DNAJB5: variants seen among roughly 807,000 people sequenced by gnomAD.
DNAJB5 encodes the protein DnaJ heat shock protein family (Hsp40) member B5, also known as dnaJ homolog subfamily B member 5.
Under a neutral mutation model 32.6 loss-of-function variants are expected in DNAJB5, and 12 were observed. The ratio of observed to expected loss-of-function variants is 0.37; its 90% CI spans 0.24 to 0.60. The LOEUF (loss-of-function observed/expected upper bound fraction) is 0.60, where lower values mean the gene tolerates loss of function less well. DNAJB5 is among the 20% of genes least tolerant of loss of function. DNAJB5 has a pLI of 0.71. For missense variants in DNAJB5, 358 were observed against 554.2 expected (o/e 0.65, Z 3.55); for synonymous variants, 188 against 212.9 (o/e 0.88, Z 1.02).
chr9:34,991,537 G>A (rs1262514506), intron 2 of DNAJB5: 2 of 435,844 alleles, frequency 4.6e-6, no homozygotes, highest in African/African-American at 2.0e-5. Context: ...GTTCTCTAGG[G>A]GCACCCTCTT....
intron 3 of DNAJB5, among the ~76,000 whole-genome samples, chr9:34,995,507 G>C (rs1827766351): frequency 6.6e-6 from 1 of 152,200 alleles, no homozygotes; most frequent in Non-Finnish European, 1.5e-5. Flanking sequence ...TAGGTGTGGG[G>C]TATGGCGTTT....
In DNAJB5 at chr9:34,997,011, C is replaced by T; in HGVS notation, c.1030-15C>T. On this transcript the variant is annotated splice_polypyrimidine_tract_variant and intron_variant, in intron 4 of 4. Coordinates refer to ENST00000682809, the MANE Select transcript of DNAJB5 (RefSeq NM_001349723.3). This position sits in a 1 kb window ranked among gnomAD's most constrained non-coding sequence, Gnocchi z 4.1. Reference sequence around the variant, plus strand: ...TACCCCACCTTTTCCTCACTTTCTGCTTCGTCTTTCCCAGGCGCTGTGTGG... The same window carrying T: ...TACCCCACCTTTTCCTCACTTTCTGTTTCGTCTTTCCCAGGCGCTGTGTGG... The T allele has an allele frequency of 6.2e-7, 1 of 1,610,472 alleles. No individual in the cohort carries two copies. The highest frequency in any genetic ancestry group is 8.5e-7 in the Non-Finnish European group (1 of 1,179,660).
chr9:34,993,089 G>C lies in DNAJB5; in HGVS notation c.183-111G>C. On this transcript the variant is annotated intron_variant, in intron 2 of 4. Coordinates refer to ENST00000682809, the MANE Select transcript of DNAJB5 (RefSeq NM_001349723.3). The surrounding 1 kb of genome is among the most constrained non-coding windows in gnomAD (Gnocchi z 4.7). ...GGGGGGACGCAGGCCCACAGAACAG[G>C]CATGACCTGCTGAAGGTTACCCAGG... 1 of 1,465,202 alleles carries C rather than the reference G, an allele frequency of 6.8e-7. No homozygotes were observed. Among genetic ancestry groups the C allele is most frequent in the Non-Finnish European group, 9.0e-7 (1 of 1,113,538 alleles). The allele number at this position is 1,465,202 out of a possible 1,614,324, so 90.8% of individuals were successfully genotyped here.
At position 34,990,773 on chromosome 9, in the gene DNAJB5, A is replaced by G; in HGVS notation, c.143A>G (p.Lys48Arg). 6 of 1,551,584 alleles carry G rather than the reference A, an allele frequency of 3.9e-6. No homozygotes were observed. The highest frequency in any genetic ancestry group is 5.2e-6 in the Non-Finnish European group (6 of 1,146,958). Residue 48 changes from lysine (K) to arginine (R), a missense_variant, in exon 2 of 5, where the codon AAA becomes AGA. By Grantham distance (26) the Lys-to-Arg change is conservative (BLOSUM62 2). Transcript: ENST00000682809. The surrounding 1 kb of genome is among the most constrained non-coding windows in gnomAD (Gnocchi z 4.5). ...TTTAAAATTCAGCTGGAGCCCTTAAAACTTCGAGCGTGGACGCTGAATGGG... is the reference window on the plus strand; with the variant it reads ...TTTAAAATTCAGCTGGAGCCCTTAAGACTTCGAGCGTGGACGCTGAATGGG... ...LMFKIQLEPL[K>R]LRAWTLNGFV... is the part of the protein sequence containing the mutation.
chr9:34,997,195 G>A lies in DNAJB5; in HGVS notation c.1199G>A (p.Arg400His), dbSNP rs745724497. The change falls in exon 5 of 5, where the codon CGC becomes CAC. Residue 400 changes from arginine to histidine, a missense_variant. Coordinates refer to ENST00000682809, the MANE Select transcript of DNAJB5 (RefSeq NM_001349723.3). This position sits in a 1 kb window ranked among gnomAD's most constrained non-coding sequence, Gnocchi z 4.1. The stretch of plus-strand genomic sequence containing the variant: ...GACCTCATTGTTGAGTTCAAAGTTC[G>A]CTTCCCAGACAGATTAACACCACAG... ...RGDLIVEFKV[R>H]FPDRLTPQTR... The A allele has an allele frequency of 1.8e-5, 29 of 1,613,962 alleles. No homozygotes were observed. Among genetic ancestry groups the A allele is most frequent in the South Asian group, 2.2e-5 (2 of 91,090 alleles).
In DNAJB5 at chr9:34,993,324, T is replaced by A. The variant is rs1250196449; in HGVS notation, c.307T>A (p.Tyr103Asn). Residue 103 changes from tyrosine to asparagine, a missense_variant, in exon 3 of 5, where the codon TAC becomes AAC. Physicochemically the swap from Tyr to Asn is moderately radical, Grantham distance 143. Transcript: ENST00000682809. This position sits in a 1 kb window ranked among gnomAD's most constrained non-coding sequence, Gnocchi z 4.7. ...AGCCTACCGGAAGATGGCCTTGAAGTACCACCCAGACAAGAATAAAGAACC... is the reference window on the plus strand; with the variant it reads ...AGCCTACCGGAAGATGGCCTTGAAGAACCACCCAGACAAGAATAAAGAACC... ...KKAYRKMALK[Y>N]HPDKNKEPNA... The A allele has an allele frequency of 6.2e-7, 1 of 1,614,064 alleles. No homozygotes were observed. The highest frequency in any genetic ancestry group is 1.3e-5 in the African/African-American group (1 of 75,002).
At chr9:34,994,719 G>C (rs989300008) in intron 3 of DNAJB5, among the ~76,000 whole-genome samples, 1 of 152,126 alleles carries the variant, frequency 6.6e-6, no homozygotes, top group African/African-American at 2.4e-5. Flanking sequence ...TAAGTGAAGG[G>C]GTCCAGACAC....
In DNAJB5 at chr9:34,996,791, C is replaced by G. The variant is rs200514668; in HGVS notation, c.954C>G (p.Leu318=). ...TCCCTGCTGACATCGTCTTTGTGCT[C>G]AAAGACAAGCCCCATGCACACTTCC... ...DNIPADIVFV[L]KDKPHAHFRR... is the part of the protein sequence containing the mutation. Residue 318 remains leucine, a synonymous_variant, in exon 4 of 5, where the codon CTC becomes CTG. Transcript: ENST00000682809. This position sits in a 1 kb window ranked among gnomAD's most constrained non-coding sequence, Gnocchi z 7.2. 5 of 1,613,978 alleles carry G rather than the reference C, an allele frequency of 3.1e-6. No homozygotes were observed. In the East Asian group the frequency reaches 1.1e-4, roughly 36 times the overall value.
At chr9:34,991,677 C>CCT (rs1554662750) in intron 2 of DNAJB5, 6 of 260,984 alleles carry the variant, frequency 2.3e-5, no homozygotes, top group South Asian at 1.7e-4. Context: ...TGCCCCCCCC[C>CCT]CCAACGAGGT....
At position 34,990,525 on chromosome 9, in the gene DNAJB5, C is replaced by A; in HGVS notation, c.-106C>A. ...TCCGGCACCTGCTGCGCCAGACAGGCCTTGCTGGGCACGCGCCTCTGAGAG... is the reference window on the plus strand; with the variant it reads ...TCCGGCACCTGCTGCGCCAGACAGGACTTGCTGGGCACGCGCCTCTGAGAG... On this transcript the variant is annotated 5_prime_UTR_variant, in exon 2 of 5. Coordinates refer to ENST00000682809, the MANE Select transcript of DNAJB5 (RefSeq NM_001349723.3). This position sits in a 1 kb window ranked among gnomAD's most constrained non-coding sequence, Gnocchi z 4.5. 7 of 1,544,286 alleles carry A rather than the reference C, an allele frequency of 4.5e-6. No individual in the cohort carries two copies. Among genetic ancestry groups the A allele is most frequent in the South Asian group, 2.4e-5 (2 of 83,732 alleles).
intron 3 of DNAJB5, among the ~76,000 whole-genome samples, chr9:34,994,654 T>G (rs1452738271): frequency 6.6e-6 from 1 of 152,162 alleles, no homozygotes; most frequent in Non-Finnish European, 1.5e-5. Context: ...CACCTTTGTT[T>G]AGAAAGAAGG....
intron 3 of DNAJB5, among the ~76,000 whole-genome samples, chr9:34,995,540 C>T (rs1168375251): frequency 6.6e-6 from 1 of 152,224 alleles, no homozygotes. Flanking sequence ...CTCCAGGGAG[C>T]TCCATTCCCA....
chr9:34,991,167 C>T (rs1013237080), intron 2 of DNAJB5: 43 of 417,068 alleles, frequency 1.0e-4, no homozygotes, highest in Non-Finnish European at 1.8e-4. Context: ...CCTCCCTGTA[C>T]CTCAACAGTC....
At position 34,995,012 on chromosome 9, in the gene DNAJB5, T is replaced by C. The variant is rs150568621; in HGVS notation, c.428-1253T>C. ...AATTACCCCTTCCCATCATCATCAG[T>C]CCAGCCTCCCTCCCTCTCTCACTGA... On this transcript the variant is annotated intron_variant, in intron 3 of 4. Transcript: ENST00000682809. Among the ~76,000 whole-genome samples, 8 of 152,176 alleles carry C rather than the reference T, an allele frequency of 5.3e-5. No individual in the cohort carries two copies. The East Asian group carries it at 1.5e-3, about 29-fold the overall frequency.
At chr9:34,995,696 G>A (rs28374769) in intron 3 of DNAJB5, among the ~76,000 whole-genome samples, 2 of 152,138 alleles carry the variant, frequency 1.3e-5, no homozygotes, top group Admixed American at 6.5e-5. Flanking sequence ...ACTTTTTAAG[G>A]CTTCCTGATT....
At position 34,989,818 on chromosome 9, in the gene DNAJB5, G is replaced by T; in HGVS notation, c.-146G>T. 1 of 1,232,392 alleles carries T rather than the reference G, an allele frequency of 8.1e-7. No individual in the cohort carries two copies. Among genetic ancestry groups the T allele is most frequent in the Non-Finnish European group, 1.0e-6 (1 of 988,248 alleles). 76.3% of individuals were successfully genotyped at this position (1,232,392 alleles called of 1,614,324 possible). A position where few individuals can be genotyped will look rare whatever the true frequency, so the allele number is the denominator to read the frequency against. On this transcript the variant is annotated 5_prime_UTR_variant, in exon 1 of 5. Transcript: ENST00000682809. Reference sequence around the variant, plus strand: ...TGTCTCACGGACCACGGCGGCGCCCGCAGCTCCTCACCGGTGAGGGCGCCA... The same window carrying T: ...TGTCTCACGGACCACGGCGGCGCCCTCAGCTCCTCACCGGTGAGGGCGCCA...
Position 34,996,981 on chromosome 9 carries a change from C to G in DNAJB5, c.1030-45C>G. 1 of 1,604,432 alleles carries G rather than the reference C, an allele frequency of 6.2e-7. No individual in the cohort carries two copies. Among genetic ancestry groups the G allele is most frequent in the Non-Finnish European group, 8.5e-7 (1 of 1,177,832 alleles). ...TCAGTCTATTTCCTTCCTTCCCACT[C>G]ACCTTACCCCACCTTTTCCTCACTT... is the stretch of plus-strand genomic sequence containing the variant. On this transcript the variant is annotated intron_variant, in intron 4 of 4. Coordinates refer to ENST00000682809, the MANE Select transcript of DNAJB5 (RefSeq NM_001349723.3). The surrounding 1 kb of genome is among the most constrained non-coding windows in gnomAD (Gnocchi z 7.2).
At chr9:34,995,416 T>G (rs1377352080) in intron 3 of DNAJB5, among the ~76,000 whole-genome samples, 1 of 152,102 alleles carries the variant, frequency 6.6e-6, no homozygotes, top group East Asian at 1.9e-4. Flanking sequence ...CTGAGCCCCT[T>G]AGACAGGACC....
rs1421619834 is a variant in DNAJB5, at chr9:34,990,191, C to CG, written c.-132-306dup. 8.0e-7 allele frequency: 1 copy of CG among 1,244,244 alleles called. No individual in the cohort carries two copies. The highest frequency in any genetic ancestry group is 1.0e-6 in the Non-Finnish European group (1 of 959,348). The allele number at this position is 1,244,244 out of a possible 1,614,324, so 77.1% of individuals were successfully genotyped here. A position where few individuals can be genotyped will look rare whatever the true frequency, so the allele number is the denominator to read the frequency against. On this transcript the variant is annotated intron_variant, in intron 1 of 4. Transcript: ENST00000682809. This position sits in a 1 kb window ranked among gnomAD's most constrained non-coding sequence, Gnocchi z 4.5. ...CCTCTCCTCGCCGCGCCTTTTGTCC[C>CG]GGCCGAGCTCCGCTCTGCCCCGCCC...
Sources: allele counts gnomAD v4.1 joint callset (sites outside exome capture counted in the v4.1 genomes callset), GRCh38; gene constraint gnomAD v4.1.1; non-coding constraint Gnocchi (gnomAD v3.1); transcripts MANE v1.5; gene names NCBI Gene and HGNC (gene_info 2026-07-23, HGNC 2026-07-21).